Variants in MALRD1 observed in about 807,000 individuals in gnomAD.
The protein encoded by MALRD1 is MAM and LDL receptor class A domain containing 1, also known as MAM and LDL-receptor class A domain-containing protein 1.
A neutral mutation model predicts 242.1 loss-of-function variants in MALRD1; 247 were observed. The ratio of observed to expected loss-of-function variants is 1.02; its 90% CI spans 0.92 to 1.13. The LOEUF is 1.13. Ranked by LOEUF, MALRD1 falls within the 50% of genes most tolerant of loss-of-function variation. MALRD1 has a pLI of 0.00. For missense variants in MALRD1, 2,989 were observed against 2,533.1 expected (o/e 1.18, Z -3.86); for synonymous variants, 995 against 866.6 (o/e 1.15, Z -2.60).
intron 14 of MALRD1, among the ~76,000 whole-genome samples, chr10:19,196,702 A>G (rs1389768949): frequency 2.6e-5 from 4 of 152,114 alleles, no homozygotes; most frequent in Non-Finnish European, 5.9e-5. Context: ...CAAGTGCAAC[A>G]TGTCCAAAAT....
At chr10:19,248,006 C>G (rs1420987524) in intron 18 of MALRD1, among the ~76,000 whole-genome samples, 2 of 151,990 alleles carry the variant, frequency 1.3e-5, no homozygotes, top group African/African-American at 2.4e-5. Context: ...TTGGTTAGAG[C>G]TCAGCATTTG....
intron 26 of MALRD1, among the ~76,000 whole-genome samples, chr10:19,378,110 C>A (rs1437592809): frequency 6.6e-6 from 1 of 152,084 alleles, no homozygotes; most frequent in Non-Finnish European, 1.5e-5. Context: ...AGTTTTTTTA[C>A]TCTAAACTTG....
At chr10:19,108,389 T>A (rs11008504) in intron 5 of MALRD1, among the ~76,000 whole-genome samples, 1 of 6,164 alleles carries the variant, frequency 1.6e-4, no homozygotes, top group African/African-American at 3.2e-3. Context: ...TGTTTTTTCT[T>A]TTTTTTTTTT....
At chr10:19,421,359 T>C (rs923673737) in intron 28 of MALRD1, among the ~76,000 whole-genome samples, 4 of 152,158 alleles carry the variant, frequency 2.6e-5, no homozygotes, top group African/African-American at 9.7e-5. Flanking sequence ...CAATGCTAGC[T>C]TTGGAGATGA....
chr10:19,713,339 C>CA (rs1473378378), intron 38 of MALRD1, among the ~76,000 whole-genome samples: 1 of 152,130 alleles, frequency 6.6e-6, no homozygotes, highest in Non-Finnish European at 1.5e-5. Context: ...CAGATAAGAC[C>CA]AAAACCATAC....
chr10:19,176,523 C>T (rs1165455766), intron 14 of MALRD1, among the ~76,000 whole-genome samples: 2 of 149,140 alleles, frequency 1.3e-5, no homozygotes, highest in Non-Finnish European at 3.0e-5. Context: ...TACAGGCGCC[C>T]GCCACCGCGC....
chr10:19,105,992 T>C lies in MALRD1; in HGVS notation c.694+1917T>C, dbSNP rs368359708. On this transcript the variant is annotated intron_variant, in intron 5 of 39. Coordinates refer to ENST00000454679, the MANE Select transcript of MALRD1 (RefSeq NM_001142308.3). Reference sequence around the variant, plus strand: ...TGTCTCTTCACTCATTTGTTTCCTTTGTTGTACAGAAGATTTTTAGTTTGA... The same window carrying C: ...TGTCTCTTCACTCATTTGTTTCCTTCGTTGTACAGAAGATTTTTAGTTTGA... Among the ~76,000 whole-genome samples the C allele has an allele frequency of 8.5e-4, 129 of 152,102 alleles. 2 individuals are homozygous for C. The highest frequency in any genetic ancestry group is 6.4e-3 in the East Asian group (33 of 5,184).
At chr10:19,220,132 A>G (rs1038231283) in intron 18 of MALRD1, among the ~76,000 whole-genome samples, 1 of 152,136 alleles carries the variant, frequency 6.6e-6, no homozygotes, top group African/African-American at 2.4e-5. Flanking sequence ...CTTAGAACTC[A>G]GTGCTGATTT....
At position 19,240,671 on chromosome 10, in the gene MALRD1, A is replaced by G. The variant is rs555737954; in HGVS notation, c.2992-17013A>G. 3.3e-5 allele frequency among the ~76,000 whole-genome samples: 5 copies of G among 152,150 alleles called. No individual in the cohort carries two copies. In the South Asian group the frequency reaches 6.2e-4, roughly 19 times the overall value. The stretch of plus-strand genomic sequence containing the variant: ...TATCATAGAGGAAAAGCATTTAACT[A>G]TTCACCATAAATAAGATGTTAGCTG... On this transcript the variant is annotated intron_variant, in intron 18 of 39. Coordinates refer to ENST00000454679, the MANE Select transcript of MALRD1 (RefSeq NM_001142308.3).
chr10:19,296,304 A>G (rs1029433630), intron 21 of MALRD1, among the ~76,000 whole-genome samples: 10 of 152,084 alleles, frequency 6.6e-5, no homozygotes, highest in Admixed American at 5.2e-4. Context: ...CCAGAATTAC[A>G]GTCCTTTACA....
intron 29 of MALRD1, among the ~76,000 whole-genome samples, chr10:19,462,630 C>A (rs1406742036): frequency 1.3e-5 from 2 of 152,226 alleles, no homozygotes; most frequent in Non-Finnish European, 2.9e-5. Context: ...CATTGAAAAT[C>A]TATTCTTAGA....
chr10:19,244,960 T>C (rs1295254029), intron 18 of MALRD1, among the ~76,000 whole-genome samples: 4 of 152,142 alleles, frequency 2.6e-5, no homozygotes, highest in Non-Finnish European at 5.9e-5. Context: ...AGAGGAGAAG[T>C]CACAATAGTA....
At chr10:19,213,552 G>T (rs192605873) in intron 18 of MALRD1, among the ~76,000 whole-genome samples, 2 of 152,274 alleles carry the variant, frequency 1.3e-5, no homozygotes, top group East Asian at 3.9e-4. Context: ...TATCTTGCAT[G>T]TCTGTATTTT....
At chr10:19,151,257 G>A (rs1406034505) in intron 11 of MALRD1, among the ~76,000 whole-genome samples, 4 of 151,694 alleles carry the variant, frequency 2.6e-5, no homozygotes, top group Non-Finnish European at 4.4e-5. Flanking sequence ...TACAGCTTTC[G>A]GGGTAGAGAT....
intron 21 of MALRD1, among the ~76,000 whole-genome samples, chr10:19,288,700 C>A (rs907969249): frequency 4.6e-5 from 7 of 152,136 alleles, no homozygotes; most frequent in African/African-American, 1.7e-4. Flanking sequence ...AGATCCCATC[C>A]TTCCTCCTCT....
chr10:19,718,201 AGAG>A (rs1834503047), intron 38 of MALRD1, among the ~76,000 whole-genome samples: 1 of 151,908 alleles, frequency 6.6e-6, no homozygotes, highest in Non-Finnish European at 1.5e-5. Context: ...ACGAAGAAGA[AGAG>A]GAAGAAGAAG....
intron 7 of MALRD1, among the ~76,000 whole-genome samples, chr10:19,125,905 C>A (rs1207560207): frequency 6.6e-6 from 1 of 151,612 alleles, no homozygotes; most frequent in Non-Finnish European, 1.5e-5. Flanking sequence ...TTCCCTTATC[C>A]CCTTGCAAAG....
chr10:19,394,231 T>C (rs1257278832), intron 28 of MALRD1, among the ~76,000 whole-genome samples: 1 of 152,064 alleles, frequency 6.6e-6, no homozygotes, highest in East Asian at 1.9e-4. Context: ...TCAGATAACT[T>C]TAGAGTTGGT....
rs772542193 is a variant in MALRD1, at chr10:19,204,992, A to C, written c.2305A>C (p.Asn769His). The C allele has an allele frequency of 1.1e-5, 17 of 1,550,860 alleles. No individual in the cohort carries two copies. The highest frequency in any genetic ancestry group is 1.5e-5 in the Non-Finnish European group (17 of 1,147,040). The change falls in exon 17 of 40, where the codon AAT (asparagine) becomes CAT (histidine). Residue 769 changes from asparagine to histidine, a missense_variant. By Grantham distance (68) the Asn-to-His change is moderately conservative. Transcript: ENST00000454679. ...AACAGTGATTTGGAGAGTATTATAC[A>C]ATCAGGGCAAACAATGGTTGGAGGC... ...DSTVIWRVLY[N>H]QGKQWLEATI...
Sources: gnomAD v4.1 joint callset for allele counts (sites outside exome capture counted in the v4.1 genomes callset) on GRCh38, gnomAD v4.1.1 for gene constraint, MANE v1.5 for transcripts, NCBI Gene and HGNC (gene_info 2026-07-23, HGNC 2026-07-21) for gene names.